PAPPA: variants seen among roughly 807,000 people sequenced by gnomAD.
The protein encoded by PAPPA is pappalysin 1.
PAPPA carries 60 observed loss-of-function variants against 164.0 expected under a neutral mutation model. The observed-to-expected ratio is 0.37, with a 90% CI of 0.30 to 0.45. The LOEUF (loss-of-function observed/expected upper bound fraction) is 0.45, where lower values mean the gene tolerates loss of function less well. Ranked by LOEUF, PAPPA falls within the 20% of genes least tolerant of loss-of-function variation. The pLI is 1.00. For synonymous variants in PAPPA, 875 were observed against 814.1 expected, an observed-to-expected ratio of 1.07 and a Z score of -1.27; for missense variants, 1,782 against 2,087.3, an observed-to-expected ratio of 0.85 and a Z score of 2.85.
At chr9:116,240,738 A>G (rs1844726107) in intron 7 of PAPPA, among the ~76,000 whole-genome samples, 1 of 152,234 alleles carries the variant, frequency 6.6e-6, no homozygotes, top group African/African-American at 2.4e-5. Context: ...ATTATAGTTT[A>G]CAGCTATCAA....
intron 2 of PAPPA, among the ~76,000 whole-genome samples, chr9:116,192,268 G>A (rs1191440022): frequency 6.6e-6 from 1 of 152,182 alleles, no homozygotes; most frequent in Non-Finnish European, 1.5e-5. Context: ...CCAGAGCCTA[G>A]AGACAGCCAG....
intron 20 of PAPPA, among the ~76,000 whole-genome samples, chr9:116,378,709 C>T (rs757665921): frequency 4.5e-4 from 69 of 152,142 alleles, no homozygotes; most frequent in Non-Finnish European, 8.2e-4. Context: ...GAGTAGAAAA[C>T]GAGGGCCAGA....
intron 4 of PAPPA, among the ~76,000 whole-genome samples, chr9:116,213,045 G>T (rs535481630): frequency 6.3e-4 from 96 of 152,300 alleles, no homozygotes; most frequent in South Asian, 2.5e-3. Context: ...AGAGCTAGCT[G>T]ATGGTTGAGT....
At chr9:116,212,033 G>A in intron 4 of PAPPA, 101 bp downstream of exon 4, 1 of 1,022,044 alleles carries the variant, frequency 9.8e-7, no homozygotes, top group South Asian at 1.5e-5. Flanking sequence ...CCATTTCTAA[G>A]GATGGAAGGC....
chr9:116,219,437 A>C (rs1027037430), intron 4 of PAPPA, among the ~76,000 whole-genome samples: 1 of 152,242 alleles, frequency 6.6e-6, no homozygotes, highest in African/African-American at 2.4e-5. Flanking sequence ...AGTGAAATTA[A>C]TGAATGAGTG....
intron 1 of PAPPA, among the ~76,000 whole-genome samples, chr9:116,167,880 A>C (rs1277595693): frequency 6.6e-6 from 1 of 152,216 alleles, no homozygotes; most frequent in Non-Finnish European, 1.5e-5. Context: ...CTGCCTTATC[A>C]AATCTGCTCA....
intron 21 of PAPPA, among the ~76,000 whole-genome samples, chr9:116,389,301 T>A (rs540043170): frequency 6.6e-6 from 1 of 152,034 alleles, no homozygotes; most frequent in South Asian, 2.1e-4. Context: ...CCTGGCTAAT[T>A]TTTGTATTTT....
chr9:116,330,118 C>T (rs1014954213), intron 10 of PAPPA, among the ~76,000 whole-genome samples: 8 of 152,042 alleles, frequency 5.3e-5, no homozygotes, highest in South Asian at 2.1e-4. Context: ...CCAGGTCAGC[C>T]GTACTTTTCG....
chr9:116,275,156 T>C (rs1845181796), intron 9 of PAPPA, among the ~76,000 whole-genome samples: 1 of 152,218 alleles, frequency 6.6e-6, no homozygotes. Context: ...TGCTTGTTTG[T>C]TTTGCTTAAG....
chr9:116,275,436 T>G, intron 9 of PAPPA, among the ~76,000 whole-genome samples: 1 of 152,192 alleles, frequency 6.6e-6, no homozygotes, highest in Non-Finnish European at 1.5e-5. Context: ...GTCTCTTGTT[T>G]CCGTATGTGA....
Position 116,271,444 on chromosome 9 carries a change from T to C in PAPPA, c.2953+28T>C. ...ACGTCTTTTTCATTTCTTGTGGCCT[T>C]CATGAAGAAATGAACGGTGCAGAAT... On this transcript the variant is annotated intron_variant, in intron 9 of 21. Transcript: ENST00000328252. The surrounding 1 kb of genome is among the most constrained non-coding windows in gnomAD (Gnocchi z 4.2). 1.3e-6 allele frequency: 2 copies of C among 1,501,370 alleles called. No homozygotes were observed. Among genetic ancestry groups the C allele is most frequent in the African/African-American group, 1.4e-5 (1 of 72,886 alleles). The allele number at this position is 1,501,370 out of a possible 1,614,324, so 93.0% of individuals were successfully genotyped here.
chr9:116,211,003 A>G (rs1343499160), intron 3 of PAPPA, among the ~76,000 whole-genome samples: 1 of 152,230 alleles, frequency 6.6e-6, no homozygotes, highest in African/African-American at 2.4e-5. Context: ...TGTGATAGTC[A>G]TTAATCATAG....
rs1379764863 is a variant in PAPPA, at chr9:116,187,395, C to T, written c.657C>T (p.Thr219=). 2 of 1,614,088 alleles carry T rather than the reference C, an allele frequency of 1.2e-6. No individual in the cohort carries two copies. The highest frequency in any genetic ancestry group is 2.2e-5 in the East Asian group (1 of 44,874). Residue 219 remains threonine (T), a synonymous_variant, in exon 2 of 22, where the codon ACC becomes ACT. Coordinates refer to ENST00000328252, the MANE Select transcript of PAPPA (RefSeq NM_002581.5). This position sits in a 1 kb window ranked among gnomAD's most constrained non-coding sequence, Gnocchi z 4.2. The stretch of plus-strand genomic sequence containing the variant: ...ATGTGAATGGTGCCCAGGTGGCCAC[C>T]TCTGGGGAACAAGTGGGTGGCATAT... ...KLYVNGAQVA[T]SGEQVGGIFS...
chr9:116,270,290 G>A (rs945282380), intron 8 of PAPPA, among the ~76,000 whole-genome samples: 1 of 152,194 alleles, frequency 6.6e-6, no homozygotes, highest in African/African-American at 2.4e-5. Flanking sequence ...AGCATCCACA[G>A]GAGCACTGTT....
chr9:116,340,447 G>A (rs1564232692), intron 13 of PAPPA, among the ~76,000 whole-genome samples: 2 of 152,240 alleles, frequency 1.3e-5, no homozygotes, highest in African/African-American at 4.8e-5. Context: ...CCTTGGGCAA[G>A]CAATTTAAAA....
chr9:116,238,450 C>T (rs1844697198), intron 7 of PAPPA, among the ~76,000 whole-genome samples: 1 of 152,224 alleles, frequency 6.6e-6, no homozygotes, highest in South Asian at 2.1e-4. Flanking sequence ...TTGCTCAACT[C>T]ACAAATATGT....
At position 116,200,642 on chromosome 9, in the gene PAPPA, T is replaced by C. The variant is rs73654672; in HGVS notation, c.1479-6814T>C. Among the ~76,000 whole-genome samples, 942 of 152,382 alleles carry C rather than the reference T, an allele frequency of 6.2e-3. 10 individuals are homozygous for C. Among genetic ancestry groups the C allele is most frequent in the African/African-American group, 0.021 (855 of 41,602 alleles). ...TATCATATTATGTTGTGATCTTTCA[T>C]TTATTCGTCTCACTTTCTTCATAAA... On this transcript the variant is annotated intron_variant, in intron 2 of 21. Transcript: ENST00000328252.
At chr9:116,379,394 A>G (rs1846697329) in intron 20 of PAPPA, among the ~76,000 whole-genome samples, 1 of 152,190 alleles carries the variant, frequency 6.6e-6, no homozygotes, top group African/African-American at 2.4e-5. Context: ...GTCCAAAGTG[A>G]TCATTCACTC....
intron 19 of PAPPA, among the ~76,000 whole-genome samples, chr9:116,369,615 C>T (rs2118655566): frequency 6.6e-6 from 1 of 152,136 alleles, no homozygotes; most frequent in East Asian, 1.9e-4. Flanking sequence ...CCTGGACCAG[C>T]CTCCCACTTA....
Sources: gnomAD v4.1 joint callset for allele counts (sites outside exome capture counted in the v4.1 genomes callset) on GRCh38, gnomAD v4.1.1 for gene constraint, Gnocchi (gnomAD v3.1) non-coding constraint, MANE v1.5 for transcripts, NCBI Gene and HGNC (gene_info 2026-07-23, HGNC 2026-07-21) for gene names.